The following CD58 variants were observed in gnomAD, a reference collection of about 807,000 sequenced individuals.
CD58 encodes the protein CD58 molecule, also known as lymphocyte function-associated antigen 3.
Under a neutral mutation model 27.6 loss-of-function variants are expected in CD58, and 14 were observed. The ratio of observed to expected loss-of-function variants is 0.51; its 90% confidence interval spans 0.34 to 0.79. The LOEUF (loss-of-function observed/expected upper bound fraction) is 0.79, where lower values mean the gene tolerates loss of function less well. Among genes scored for constraint, CD58 ranks in the 30% least tolerant of loss-of-function variants. The pLI, the probability that CD58 is intolerant of heterozygous loss-of-function variation, is 0.02. For missense variants in CD58, 268 were observed against 301.7 expected, an observed-to-expected ratio of 0.89 and a Z score of 0.83; for synonymous variants, 117 against 103.8, an observed-to-expected ratio of 1.13 and a Z score of -0.77.
Position 116,519,110 on chromosome 1 carries a change from A to AG in CD58, c.743+120_743+121insC. ...TATGGTTAGTATATCTGCTGATGTTACTTCTTATTACTGTACAAGGCAACC... is the reference window on the plus strand; with the variant it reads ...TATGGTTAGTATATCTGCTGATGTTAGCTTCTTATTACTGTACAAGGCAACC... On this transcript the variant is annotated intron_variant, in intron 5 of 5. Transcript: ENST00000369489. This position sits in a 1 kb window ranked among gnomAD's most constrained non-coding sequence, Gnocchi z 4.7. 6.5e-7 allele frequency: 1 copy of AG among 1,529,560 alleles called. No individual in the cohort carries two copies. The highest frequency in any genetic ancestry group is 8.8e-7 in the Non-Finnish European group (1 of 1,136,056). 94.7% of individuals were successfully genotyped at this position (1,529,560 alleles called of 1,614,324 possible).
intron 3 of CD58, chr1:116,533,517 A>G: frequency 1.4e-6 from 1 of 730,754 alleles, no homozygotes; most frequent in South Asian, 1.4e-5. Context: ...ACTTCACTTT[A>G]ATATCCTGCA....
chr1:116,542,083 A>G (rs1474403817), intron 2 of CD58, among the ~76,000 whole-genome samples: 1 of 152,228 alleles, frequency 6.6e-6, no homozygotes, highest in Non-Finnish European at 1.5e-5. Context: ...GTTCAAGACC[A>G]GCCTGACCAA....
Position 116,546,140 on chromosome 1 carries a change from C to G in CD58, c.71-1536G>C, listed in dbSNP as rs1293914010. Among the ~76,000 whole-genome samples the G allele has an allele frequency of 2.0e-5, 3 of 152,196 alleles. No individual in the cohort carries two copies. The East Asian group carries it at 5.8e-4, about 29-fold the overall frequency. On this transcript the variant is annotated intron_variant, in intron 1 of 5. Coordinates refer to ENST00000369489, the MANE Select transcript of CD58 (RefSeq NM_001779.3). The surrounding 1 kb of genome is among the most constrained non-coding windows in gnomAD (Gnocchi z 4.1). ...TCAGCCATGATTGTGCCACTGCACT[C>G]CAGCCTGGGTGACAGAGCATGACCT...
At chr1:116,565,638 A>G (rs1658904582) in intron 1 of CD58, among the ~76,000 whole-genome samples, 1 of 152,082 alleles carries the variant, frequency 6.6e-6, no homozygotes, top group African/African-American at 2.4e-5. Flanking sequence ...ATACAAAAAA[A>G]TACATAGAGT....
chr1:116,539,110 C>CA (rs1657907989), intron 2 of CD58, among the ~76,000 whole-genome samples: 1 of 152,198 alleles, frequency 6.6e-6, no homozygotes, highest in Non-Finnish European at 1.5e-5. Flanking sequence ...AATGAGTTAA[C>CA]ACAGATAATA....
At position 116,515,333 on chromosome 1, in the gene CD58, C is replaced by T. The variant is rs769827663; in HGVS notation, c.744-511G>A. Among the ~76,000 whole-genome samples the T allele has an allele frequency of 2.6e-5, 4 of 152,208 alleles. No individual in the cohort carries two copies. The highest frequency in any genetic ancestry group is 2.1e-4 in the South Asian group (1 of 4,836). ...AAGCCCTCAAACCGAGTCCATTTCC[C>T]GGCCTCCTCCCCCGTGGTCTGCGTA... On this transcript the variant is annotated intron_variant, in intron 5 of 5. Transcript: ENST00000369489. The surrounding 1 kb of genome is among the most constrained non-coding windows in gnomAD (Gnocchi z 4.6).
chr1:116,538,349 C>G lies in CD58; in HGVS notation c.365-2121G>C, dbSNP rs1657885171. Among the ~76,000 whole-genome samples, 1 of 152,116 alleles carries G rather than the reference C, an allele frequency of 6.6e-6. No homozygotes were observed. The highest frequency in any genetic ancestry group is 6.5e-5 in the Admixed American group (1 of 15,276). ...TTCCTCTGGTCCCTTTTGCCCACCC[C>G]ACCCCATAGCAGCCCTCAGGGGACT... On this transcript the variant is annotated intron_variant, in intron 2 of 5. Transcript: ENST00000369489. The surrounding 1 kb of genome is among the most constrained non-coding windows in gnomAD (Gnocchi z 4.7).
intron 1 of CD58, among the ~76,000 whole-genome samples, chr1:116,556,854 T>C (rs1261079674): frequency 6.6e-6 from 1 of 152,186 alleles, no homozygotes; most frequent in African/African-American, 2.4e-5. Flanking sequence ...GGGAGGGGCC[T>C]GCCATGTGGA....
At chr1:116,560,483 C>G (rs1404032712) in intron 1 of CD58, among the ~76,000 whole-genome samples, 1 of 152,230 alleles carries the variant, frequency 6.6e-6, no homozygotes, top group Admixed American at 6.5e-5. Flanking sequence ...TTGGGAAACT[C>G]TATTGCAAGT....
At chr1:116,526,415 G>A (rs1464624891) in intron 3 of CD58, among the ~76,000 whole-genome samples, 3 of 152,208 alleles carry the variant, frequency 2.0e-5, no homozygotes, top group Non-Finnish European at 4.4e-5. Context: ...TGGATGTCCA[G>A]TTGTTACAGC....
chr1:116,539,603 C>G (rs1657928409), intron 2 of CD58, among the ~76,000 whole-genome samples: 1 of 152,210 alleles, frequency 6.6e-6, no homozygotes, highest in Non-Finnish European at 1.5e-5. Context: ...TTCTAAGTTG[C>G]TAGAACTCCC....
rs1657019960 is a variant in CD58, at chr1:116,514,660, T to C, written c.*153A>G. On this transcript the variant is annotated 3_prime_UTR_variant, in exon 6 of 6. Coordinates refer to ENST00000369489, the MANE Select transcript of CD58 (RefSeq NM_001779.3). ...GATGACAGCCAAAACTAATGCTTGT[T>C]CTTTGTTAGTGGGTATTTCTTCTTA... is the stretch of plus-strand genomic sequence containing the variant. 1.8e-6 allele frequency: 1 copy of C among 565,058 alleles called. No homozygotes were observed. Among genetic ancestry groups the C allele is most frequent in the African/African-American group, 1.9e-5 (1 of 52,054 alleles). 35.0% of individuals were successfully genotyped at this position (565,058 alleles called of 1,614,324 possible).
At chr1:116,530,885 G>A (rs1422166769) in intron 3 of CD58, among the ~76,000 whole-genome samples, 1 of 152,104 alleles carries the variant, frequency 6.6e-6, no homozygotes, top group African/African-American at 2.4e-5. Context: ...TCCAATATTT[G>A]GTTAACAGAA....
At position 116,563,661 on chromosome 1, in the gene CD58, G is replaced by C. The variant is rs1024602728; in HGVS notation, c.70+7242C>G. On this transcript the variant is annotated intron_variant, in intron 1 of 5. Transcript: ENST00000369489. The surrounding 1 kb of genome is among the most constrained non-coding windows in gnomAD (Gnocchi z 4.1). ...CCAAGGCTTACCCTCTGAAGCAACA[G>C]CCTGAGTGGTATGTTGGCCCCTTTT... is the stretch of plus-strand genomic sequence containing the variant. Among the ~76,000 whole-genome samples the C allele has an allele frequency of 1.3e-5, 2 of 152,208 alleles. No homozygotes were observed. The highest frequency in any genetic ancestry group is 4.8e-5 in the African/African-American group (2 of 41,472).
chr1:116,543,575 G>A (rs1328369882), intron 2 of CD58, among the ~76,000 whole-genome samples: 1 of 152,138 alleles, frequency 6.6e-6, no homozygotes, highest in African/African-American at 2.4e-5. Context: ...GACCAGGGAG[G>A]AGTGTCAGTG....
chr1:116,554,340 A>T (rs1004688382), intron 1 of CD58, among the ~76,000 whole-genome samples: 2 of 152,124 alleles, frequency 1.3e-5, no homozygotes, highest in Non-Finnish European at 2.9e-5. Context: ...ATTTCTTAAT[A>T]TTAAAAATAA....
At chr1:116,544,648 T>C in intron 1 of CD58, 44 bp from the exon 2 acceptor site, 1 of 1,367,814 alleles carries the variant, frequency 7.3e-7, no homozygotes, top group Non-Finnish European at 1.0e-6. Context: ...AACATGACTT[T>C]GGTGGCAGAA....
At position 116,534,558 on chromosome 1, in the gene CD58, G is replaced by T. The variant is rs928956566; in HGVS notation, c.628+1407C>A. Among the ~76,000 whole-genome samples, 1 of 152,148 alleles carries T rather than the reference G, an allele frequency of 6.6e-6. No homozygotes were observed. On this transcript the variant is annotated intron_variant, in intron 3 of 5. Coordinates refer to ENST00000369489, the MANE Select transcript of CD58 (RefSeq NM_001779.3). This position sits in a 1 kb window ranked among gnomAD's most constrained non-coding sequence, Gnocchi z 5.3. ...GAAGCCGCCCGCAGCGCAGAACAAA[G>T]CGACTTGACCTTCAGGGCAGTGGGC...
intron 1 of CD58, among the ~76,000 whole-genome samples, chr1:116,556,263 A>C (rs1205344841): frequency 2.0e-5 from 3 of 150,090 alleles, no homozygotes; most frequent in African/African-American, 7.4e-5. Context: ...CAGAAAAAAA[A>C]AAAAAAAAAA....
Sources: allele counts gnomAD v4.1 joint callset (sites outside exome capture counted in the v4.1 genomes callset), GRCh38; gene constraint gnomAD v4.1.1; non-coding constraint Gnocchi (gnomAD v3.1); transcripts MANE v1.5; gene names NCBI Gene and HGNC (gene_info 2026-07-23, HGNC 2026-07-21).